The following PPP1R21 variants were observed in gnomAD, a reference collection of about 807,000 sequenced individuals.
PPP1R21 encodes KLRAQ motif containing 1.
A neutral mutation model predicts 112.8 loss-of-function variants in PPP1R21; 85 were observed. That is an observed-to-expected ratio of 0.75 (90% CI 0.63 to 0.90). PPP1R21 has a LOEUF of 0.90. Ranked by LOEUF, PPP1R21 falls within the 40% of genes least tolerant of loss-of-function variation. The pLI, the probability that PPP1R21 is intolerant of heterozygous loss-of-function variation, is 0.00. For synonymous variants in PPP1R21, 381 were observed against 322.3 expected, an observed-to-expected ratio of 1.18 and a Z score of -1.95; for missense variants, 1,199 against 901.5, an observed-to-expected ratio of 1.33 and a Z score of -4.23.
At chr2:48,445,202 A>G (rs1667196226) in intron 1 of PPP1R21, among the ~76,000 whole-genome samples, 1 of 150,802 alleles carries the variant, frequency 6.6e-6, no homozygotes, top group Non-Finnish European at 1.5e-5. Flanking sequence ...TGGGTTGGAA[A>G]ACAGGTTTGT....
chr2:48,475,974 A>T (rs1343774290), intron 12 of PPP1R21, among the ~76,000 whole-genome samples: 2 of 152,152 alleles, frequency 1.3e-5, no homozygotes, highest in Non-Finnish European at 2.9e-5. Context: ...ATACCATACA[A>T]TGTATTAATT....
chr2:48,495,110 C>T (rs1669766948), intron 15 of PPP1R21, among the ~76,000 whole-genome samples: 1 of 152,236 alleles, frequency 6.6e-6, no homozygotes, highest in Admixed American at 6.5e-5. Context: ...ATGATTTCTA[C>T]TGAATGCATT....
intron 14 of PPP1R21, among the ~76,000 whole-genome samples, chr2:48,488,272 G>A (rs1669399950): frequency 6.6e-6 from 1 of 152,086 alleles, no homozygotes; most frequent in African/African-American, 2.4e-5. Context: ...TCCACGGCAT[G>A]CCAGATGCTT....
At chr2:48,472,563 T>C (rs1572856950) in intron 11 of PPP1R21, among the ~76,000 whole-genome samples, 1 of 150,946 alleles carries the variant, frequency 6.6e-6, no homozygotes. Context: ...GAGGCGGAGG[T>C]TGCAGTGAGC....
At chr2:48,493,459 G>T (rs933025247) in intron 15 of PPP1R21, among the ~76,000 whole-genome samples, 5 of 152,088 alleles carry the variant, frequency 3.3e-5, no homozygotes, top group Admixed American at 2.0e-4. Flanking sequence ...CATCAAATAG[G>T]TCTTTTTCTT....
chr2:48,461,323 A>G, intron 7 of PPP1R21, 91 bp downstream of exon 7: 1 of 1,374,730 alleles, frequency 7.3e-7, no homozygotes, highest in Non-Finnish European at 9.4e-7. Flanking sequence ...CTTTTGGGCA[A>G]AAAATTTAAT....
At chr2:48,486,873 A>C in intron 14 of PPP1R21, 115 bp downstream of exon 14, 1 of 1,155,128 alleles carries the variant, frequency 8.7e-7, no homozygotes, top group South Asian at 1.7e-5. Flanking sequence ...GTTTACTGTA[A>C]AATAAAGTTG....
chr2:48,487,080 CA>C (rs1214746976), intron 14 of PPP1R21, among the ~76,000 whole-genome samples: 1 of 152,104 alleles, frequency 6.6e-6, no homozygotes. Context: ...GACTGTTTAG[CA>C]TTTGTCTTGG....
At chr2:48,450,007 A>G (rs1466420682) in intron 1 of PPP1R21, among the ~76,000 whole-genome samples, 2 of 152,346 alleles carry the variant, frequency 1.3e-5, no homozygotes, top group Middle Eastern at 3.4e-3. Context: ...GTGGTTATAT[A>G]GATGTATACA....
At chr2:48,465,721 C>T in intron 9 of PPP1R21, 79 bp downstream of exon 9, 6 of 1,326,488 alleles carry the variant, frequency 4.5e-6, no homozygotes, top group South Asian at 1.5e-5. Flanking sequence ...CTCTTCTGTG[C>T]ACCATCCAAG....
intron 12 of PPP1R21, among the ~76,000 whole-genome samples, 159 bp from the exon 13 acceptor site, chr2:48,479,765 A>G (rs548441429): frequency 6.6e-6 from 1 of 152,358 alleles, no homozygotes; most frequent in South Asian, 2.1e-4. Context: ...GCTTATGTGT[A>G]TCACCATTAT....
chr2:48,513,714 C>T (rs1218852919), intron 21 of PPP1R21, among the ~76,000 whole-genome samples: 1 of 152,168 alleles, frequency 6.6e-6, no homozygotes, highest in Non-Finnish European at 1.5e-5. Context: ...AGTAAACATC[C>T]TCAACCATTT....
At chr2:48,491,248 A>G (rs956476474) in intron 15 of PPP1R21, 78 bp downstream of exon 15, 2 of 1,480,222 alleles carry the variant, frequency 1.4e-6, no homozygotes, top group African/African-American at 1.4e-5. Context: ...GTTTTTCTGC[A>G]GTTTATATTG....
chr2:48,506,601 A>T (rs1038479704), intron 18 of PPP1R21, among the ~76,000 whole-genome samples: 2 of 152,160 alleles, frequency 1.3e-5, no homozygotes, highest in Non-Finnish European at 2.9e-5. Context: ...TAGTAGAAAT[A>T]CCAGTCTGGG....
chr2:48,469,552 TAGAG>T lies in PPP1R21; in HGVS notation c.898-1524_898-1521del, dbSNP rs71327622. On this transcript the variant is annotated intron_variant, in intron 9 of 21. Transcript: ENST00000294952. Reference sequence around the variant, plus strand: ...TATATATATAGAGCATATATATATATAGAGAGAGAGAGAGCATATATATATATAT... The same window carrying T: ...TATATATATAGAGCATATATATATATAGAGAGAGAGCATATATATATATAT... Among the ~76,000 whole-genome samples, 510 of 106,900 alleles carry T rather than the reference TAGAG, an allele frequency of 4.8e-3. 27 individuals are homozygous for T. The highest frequency in any genetic ancestry group is 7.4e-3 in the Non-Finnish European group (391 of 53,102). 70.1% of individuals were successfully genotyped at this position (106,900 alleles called of 152,430 possible). A position where few individuals can be genotyped will look rare whatever the true frequency, so the allele number is the denominator to read the frequency against.
In PPP1R21 at chr2:48,440,883, T is replaced by G; in HGVS notation, c.-71T>G. The stretch of plus-strand genomic sequence containing the variant: ...ACTGCCTGACCCGTTCCCGGGAGCG[T>G]GTCTGGGTTTGGGGGCGGGAGACAG... On this transcript the variant is annotated 5_prime_UTR_variant, in exon 1 of 22. Coordinates refer to ENST00000294952, the MANE Select transcript of PPP1R21 (RefSeq NM_001135629.3). 11 of 1,033,504 alleles carry G rather than the reference T, an allele frequency of 1.1e-5. No homozygotes were observed. Among genetic ancestry groups the G allele is most frequent in the Non-Finnish European group, 1.4e-5 (10 of 697,344 alleles). 64.0% of individuals were successfully genotyped at this position (1,033,504 alleles called of 1,614,324 possible).
In PPP1R21 at chr2:48,510,559, A is replaced by G. The variant is rs540450042; in HGVS notation, c.2184+446A>G. On this transcript the variant is annotated intron_variant, in intron 20 of 21. Coordinates refer to ENST00000294952, the MANE Select transcript of PPP1R21 (RefSeq NM_001135629.3). ...TCAGAAAGCCTCTGCTAATAAAAAC[A>G]TGATGCCAGGCAAGGAAAAAACACA... Among the ~76,000 whole-genome samples the G allele has an allele frequency of 1.0e-4, 16 of 152,390 alleles. No homozygotes were observed. In the East Asian group the frequency reaches 2.7e-3, roughly 26 times the overall value.
rs1478095776 is a variant in PPP1R21, at chr2:48,505,612, C to G, written c.1968+16C>G. ...TGACAGTGAGGTAACATGTGCTTGT[C>G]ATCATGTTGTTTGTTAGTAAATATC... On this transcript the variant is annotated intron_variant, in intron 18 of 21. Transcript: ENST00000294952. 10 of 1,542,712 alleles carry G rather than the reference C, an allele frequency of 6.5e-6. No individual in the cohort carries two copies. Among genetic ancestry groups the G allele is most frequent in the Non-Finnish European group, 8.8e-6 (10 of 1,138,328 alleles).
intron 19 of PPP1R21, among the ~76,000 whole-genome samples, chr2:48,509,096 T>C (rs1670516941): frequency 6.6e-6 from 1 of 150,446 alleles, no homozygotes; most frequent in Non-Finnish European, 1.5e-5. Flanking sequence ...TATTGTGAAA[T>C]AGGATTTTTC....
Sources: gnomAD v4.1 joint callset for allele counts (sites outside exome capture counted in the v4.1 genomes callset) on GRCh38, gnomAD v4.1.1 for gene constraint, MANE v1.5 for transcripts, NCBI Gene and HGNC (gene_info 2026-07-23, HGNC 2026-07-21) for gene names.